Variants in TRIP12 observed in about 807,000 individuals in gnomAD.
The protein encoded by TRIP12 is E3 ubiquitin-protein ligase TRIP12.
Under a neutral mutation model 244.2 loss-of-function variants are expected in TRIP12, and 25 were observed. That is an observed-to-expected ratio of 0.10 (90% CI 0.07 to 0.14). TRIP12 has a LOEUF of 0.14. TRIP12 is among the 10% of genes least tolerant of loss of function. The pLI, the probability that TRIP12 is intolerant of heterozygous loss-of-function variation, is 1.00. For synonymous variants in TRIP12, 905 were observed against 873.1 expected (o/e 1.04, Z -0.64); for missense variants, 1,677 against 2,486.4 (o/e 0.67, Z 6.92).
At chr2:229,837,564 G>A (rs1158802052) in intron 5 of TRIP12, among the ~76,000 whole-genome samples, 1 of 152,080 alleles carries the variant, frequency 6.6e-6, no homozygotes, top group Admixed American at 6.5e-5. Flanking sequence ...AACCCGGGAG[G>A]CGGAGGTTGC....
chr2:229,877,929 C>T (rs1384921204), intron 2 of TRIP12, among the ~76,000 whole-genome samples: 2 of 152,152 alleles, frequency 1.3e-5, no homozygotes, highest in Non-Finnish European at 2.9e-5. Context: ...AAATCAGTCA[C>T]ATGAAGTTGA....
At chr2:229,916,643 T>C (rs553007672) in intron 1 of TRIP12, among the ~76,000 whole-genome samples, 41 of 152,308 alleles carry the variant, frequency 2.7e-4, no homozygotes, top group African/African-American at 9.9e-4. Context: ...GAATAATGGG[T>C]AAGTTCCTTT....
At chr2:229,850,790 C>T (rs1348121293) in intron 4 of TRIP12, among the ~76,000 whole-genome samples, 2 of 152,218 alleles carry the variant, frequency 1.3e-5, no homozygotes, top group Non-Finnish European at 2.9e-5. Context: ...TGGGTGTGGG[C>T]TTGGCGGGCC....
At chr2:229,891,516 T>C (rs1469829711) in intron 1 of TRIP12, among the ~76,000 whole-genome samples, 2 of 151,918 alleles carry the variant, frequency 1.3e-5, no homozygotes, top group Non-Finnish European at 2.9e-5. Flanking sequence ...GTGGGAGGAC[T>C]GCTTGAGCCC....
chr2:229,839,285 A>G (rs1184883742), intron 5 of TRIP12, among the ~76,000 whole-genome samples: 1 of 152,184 alleles, frequency 6.6e-6, no homozygotes, highest in African/African-American at 2.4e-5. Context: ...GATGTGTAGT[A>G]AGCTATACTA....
intron 2 of TRIP12, among the ~76,000 whole-genome samples, chr2:229,864,143 A>G (rs2061085371): frequency 6.6e-6 from 1 of 152,142 alleles, no homozygotes; most frequent in African/African-American, 2.4e-5. Context: ...TTCCTGAAAA[A>G]AAAACTCATG....
chr2:229,799,692 G>C (rs569401976), intron 21 of TRIP12, among the ~76,000 whole-genome samples: 4 of 151,958 alleles, frequency 2.6e-5, no homozygotes, highest in African/African-American at 9.7e-5. Context: ...GGAGAATGGC[G>C]TGAACCCGGG....
chr2:229,832,814 T>G (rs1001315860), intron 6 of TRIP12, among the ~76,000 whole-genome samples: 1 of 152,246 alleles, frequency 6.6e-6, no homozygotes, highest in Non-Finnish European at 1.5e-5. Context: ...CAGTTGCTTC[T>G]TCACATTATA....
At chr2:229,834,599 A>C (rs2054294170) in intron 6 of TRIP12, among the ~76,000 whole-genome samples, 1 of 152,150 alleles carries the variant, frequency 6.6e-6, no homozygotes, top group Non-Finnish European at 1.5e-5. Context: ...TTCTGTACTA[A>C]AAATACAAAA....
chr2:229,772,240 G>A (rs748111774), intron 38 of TRIP12, among the ~76,000 whole-genome samples: 1 of 152,108 alleles, frequency 6.6e-6, no homozygotes, highest in Non-Finnish European at 1.5e-5. Context: ...AACATTTTCA[G>A]ATAAAAATGA....
At chr2:229,919,847 A>G (rs1237428922) in intron 1 of TRIP12, among the ~76,000 whole-genome samples, 1 of 152,242 alleles carries the variant, frequency 6.6e-6, no homozygotes, top group Non-Finnish European at 1.5e-5. Context: ...AGCTTAAAAT[A>G]AAACTCCCTC....
At chr2:229,781,035 C>T (rs1292538818) in intron 34 of TRIP12, among the ~76,000 whole-genome samples, 4 of 152,212 alleles carry the variant, frequency 2.6e-5, no homozygotes, top group East Asian at 1.9e-4. Context: ...AGTCTATTTC[C>T]TTCATCCAAT....
At chr2:229,922,723 G>A (rs770663773), upstream of TRIP12, 20 of 1,063,990 alleles carry the variant, frequency 1.9e-5, no homozygotes, top group Non-Finnish European at 2.7e-5. Context: ...GAAGCGCCCA[G>A]TCCCGGCTCC....
rs957542726 is a variant in TRIP12 at position 229,857,701 on chromosome 2, T to C, written c.1027+1071A>G. Among the ~76,000 whole-genome samples the C allele has an allele frequency of 2.6e-4, 40 of 151,744 alleles. 1 individual carries two copies. Among genetic ancestry groups the C allele is most frequent in the African/African-American group, 8.7e-4 (36 of 41,426 alleles). The stretch of plus-strand genomic sequence containing the variant: ...TAGCATTCCCCAGATGAGCAGCTGG[T>C]TCCCTGAAGAAGTCTTTTGGTAAAG... On this transcript the variant is annotated intron_variant, in intron 4 of 41. Coordinates refer to ENST00000675903, the MANE Select transcript of TRIP12 (RefSeq NM_001348323.3).
chr2:229,840,123 AT>A (rs2056018910), intron 5 of TRIP12, among the ~76,000 whole-genome samples: 1 of 152,224 alleles, frequency 6.6e-6, no homozygotes, highest in Admixed American at 6.5e-5. Flanking sequence ...CTATTGGGAA[AT>A]TTAACTACCT....
At chr2:229,906,945 T>G (rs1216572093) in intron 1 of TRIP12, among the ~76,000 whole-genome samples, 1 of 152,166 alleles carries the variant, frequency 6.6e-6, no homozygotes, top group Non-Finnish European at 1.5e-5. Flanking sequence ...TCAAAGAGAC[T>G]ATAATTAGCA....
At chr2:229,779,097 AT>A in intron 34 of TRIP12, 107 bp from the exon 35 acceptor site, 1 of 865,748 alleles carries the variant, frequency 1.2e-6, no homozygotes, top group South Asian at 1.6e-5. Flanking sequence ...ACCAGGATGC[AT>A]TAGAGATTAT....
At chr2:229,885,251 TATTTAGA>T (rs2065774532) in intron 1 of TRIP12, among the ~76,000 whole-genome samples, 1 of 152,186 alleles carries the variant, frequency 6.6e-6, no homozygotes, top group Non-Finnish European at 1.5e-5. Flanking sequence ...CTTACGGACT[TATTTAGA>T]TTTGGTCCTC....
chr2:229,815,311 GT>G lies in TRIP12; in HGVS notation c.1600-4del, dbSNP rs1228743005. The G allele has an allele frequency of 5.0e-6, 7 of 1,404,620 alleles. No homozygotes were observed. The highest frequency in any genetic ancestry group is 5.9e-6 in the Non-Finnish European group (6 of 1,009,760). 87.0% of individuals were successfully genotyped at this position (1,404,620 alleles called of 1,614,324 possible). ...TGCTCCATCTGAAGTAACGTAATCT[GT>G]TAAAAAGATAACAAAATATTAGAAG... On this transcript the variant is annotated splice_region_variant and splice_polypyrimidine_tract_variant and intron_variant, in intron 9 of 41. Coordinates refer to ENST00000675903, the MANE Select transcript of TRIP12 (RefSeq NM_001348323.3).
Sources: allele counts gnomAD v4.1 joint callset (sites outside exome capture counted in the v4.1 genomes callset), GRCh38; gene constraint gnomAD v4.1.1; transcripts MANE v1.5; gene names NCBI Gene and HGNC (gene_info 2026-07-23, HGNC 2026-07-21).